Variants in COG5 observed in about 807,000 individuals in gnomAD.
COG5 encodes component of oligomeric golgi complex 5.
A neutral mutation model predicts 110.4 loss-of-function variants in COG5; 86 were observed. That is an observed-to-expected ratio of 0.78 (90% CI 0.65 to 0.93). The LOEUF (loss-of-function observed/expected upper bound fraction) is 0.93, where lower values mean the gene tolerates loss of function less well. Ranked by LOEUF, COG5 falls within the 40% of genes least tolerant of loss-of-function variation. The pLI, the probability that COG5 is intolerant of heterozygous loss-of-function variation, is 0.00. For missense variants in COG5, 1,077 were observed against 987.0 expected, an observed-to-expected ratio of 1.09 and a Z score of -1.22; for synonymous variants, 360 against 334.6, an observed-to-expected ratio of 1.08 and a Z score of -0.83.
chr7:107,390,050 A>G (rs748466104), intron 7 of COG5, among the ~76,000 whole-genome samples: 2 of 152,180 alleles, frequency 1.3e-5, no homozygotes, highest in Non-Finnish European at 2.9e-5. Flanking sequence ...ACTAATTACA[A>G]TATATTACAA....
In COG5 at chr7:107,211,163, G is replaced by A. The variant is rs1135401817; in HGVS notation, c.2231C>T (p.Pro744Leu). Reference sequence around the variant, plus strand: ...CAAAAACTGAATAATGATGCTGAACGGAATCACATCCCCCAATGCAGGACT... The same window carrying A: ...CAAAAACTGAATAATGATGCTGAACAGAATCACATCCCCCAATGCAGGACT... ...ASSPALGDVI[P>L]FSIIIQFLFT... Residue 744 changes from proline (P) to leucine (L), a missense_variant, in exon 20 of 22, where the codon CCG becomes CTG. Pro to Leu is a moderately conservative substitution (Grantham distance 98). Coordinates refer to ENST00000297135, the MANE Select transcript of COG5 (RefSeq NM_006348.5). 5.6e-6 allele frequency: 9 copies of A among 1,613,758 alleles called. No individual in the cohort carries two copies. The highest frequency in any genetic ancestry group is 7.6e-6 in the Non-Finnish European group (9 of 1,179,784).
chr7:107,395,543 T>C (rs1790928519), intron 7 of COG5, among the ~76,000 whole-genome samples: 1 of 46,498 alleles, frequency 2.2e-5, no homozygotes, highest in Admixed American at 2.1e-4. Context: ...AAGCAGATCT[T>C]TTTTTTTTTT....
At chr7:107,383,170 T>C (rs1400827465) in intron 7 of COG5, among the ~76,000 whole-genome samples, 1 of 152,104 alleles carries the variant, frequency 6.6e-6, no homozygotes, top group African/African-American at 2.4e-5. Context: ...TCACAAGACA[T>C]CATTTTCTCT....
At chr7:107,222,362 T>C (rs878969879) in intron 19 of COG5, among the ~76,000 whole-genome samples, 2 of 152,198 alleles carry the variant, frequency 1.3e-5, no homozygotes, top group Admixed American at 6.5e-5. Context: ...CATGGCACTA[T>C]GCCCAGCTAA....
At chr7:107,401,325 C>T (rs1399732341) in intron 7 of COG5, among the ~76,000 whole-genome samples, 2 of 151,988 alleles carry the variant, frequency 1.3e-5, no homozygotes, top group African/African-American at 2.4e-5. Context: ...ATTATAAAAG[C>T]TATGACGGTA....
intron 19 of COG5, among the ~76,000 whole-genome samples, chr7:107,224,780 C>T (rs1800198942): frequency 6.6e-6 from 1 of 152,234 alleles, no homozygotes; most frequent in East Asian, 1.9e-4. Flanking sequence ...ATAGCTCTGA[C>T]ACGTGGGTCT....
intron 6 of COG5, among the ~76,000 whole-genome samples, chr7:107,516,788 TAACA>T (rs1321251950): frequency 2.6e-5 from 4 of 151,946 alleles, no homozygotes; most frequent in Non-Finnish European, 4.4e-5. Flanking sequence ...GAAGAAAAAC[TAACA>T]AACAGAAAGC....
At position 107,460,230 on chromosome 7, in the gene COG5, C is replaced by G. The variant is rs1353239983; in HGVS notation, c.539-47598G>C. On this transcript the variant is annotated intron_variant, in intron 6 of 21. Coordinates refer to ENST00000297135, the MANE Select transcript of COG5 (RefSeq NM_006348.5). ...CCAGCCCAGGCAACACGGTGAGACC[C>G]TGTCTCTACAAAAAATACAAAAATT... Among the ~76,000 whole-genome samples, 3 of 152,192 alleles carry G rather than the reference C, an allele frequency of 2.0e-5. No individual in the cohort carries two copies. The East Asian group carries it at 5.8e-4, about 29-fold the overall frequency.
intron 10 of COG5, among the ~76,000 whole-genome samples, chr7:107,327,989 G>T (rs1177389466): frequency 6.6e-6 from 1 of 152,168 alleles, no homozygotes; most frequent in African/African-American, 2.4e-5. Flanking sequence ...GAATACTCAT[G>T]TTTACTGCAG....
intron 3 of COG5, among the ~76,000 whole-genome samples, chr7:107,549,796 A>G (rs1264014589): frequency 6.6e-6 from 1 of 152,056 alleles, no homozygotes; most frequent in East Asian, 1.9e-4. Context: ...CATGTGCTGG[A>G]GTACCCCAAG....
chr7:107,531,390 T>C (rs746774341), intron 5 of COG5, among the ~76,000 whole-genome samples: 21 of 152,180 alleles, frequency 1.4e-4, no homozygotes, highest in Non-Finnish European at 2.6e-4. Context: ...GCCACTGATA[T>C]TCAATGTCAA....
intron 6 of COG5, among the ~76,000 whole-genome samples, chr7:107,433,502 G>A (rs1367613491): frequency 2.0e-5 from 3 of 152,176 alleles, no homozygotes. Context: ...GTGGAATAGA[G>A]AGCCCAGATA....
chr7:107,389,888 C>T (rs1196108242), intron 7 of COG5, among the ~76,000 whole-genome samples: 2 of 152,092 alleles, frequency 1.3e-5, no homozygotes, highest in East Asian at 1.9e-4. Context: ...AATGACTATA[C>T]TATAACCTTT....
At chr7:107,221,438 T>C (rs1799919304) in intron 19 of COG5, among the ~76,000 whole-genome samples, 1 of 152,046 alleles carries the variant, frequency 6.6e-6, no homozygotes. Context: ...TAAAAGTCCT[T>C]ATAAGTACTT....
intron 14 of COG5, among the ~76,000 whole-genome samples, chr7:107,268,337 T>C (rs1357179550): frequency 6.6e-6 from 1 of 152,210 alleles, no homozygotes; most frequent in Non-Finnish European, 1.5e-5. Flanking sequence ...TAAAAAAGTG[T>C]ATTACTGAAC....
intron 19 of COG5, among the ~76,000 whole-genome samples, chr7:107,219,241 A>C (rs1799731884): frequency 6.6e-6 from 1 of 152,186 alleles, no homozygotes. Flanking sequence ...TGTTGGTGGG[A>C]ATGTAAATTA....
chr7:107,474,100 G>A lies in COG5; in HGVS notation c.538+53137C>T. 6.3e-7 allele frequency: 1 copy of A among 1,599,934 alleles called. No individual in the cohort carries two copies. The highest frequency in any genetic ancestry group is 1.1e-5 in the South Asian group (1 of 88,862). On this transcript the variant is annotated intron_variant, in intron 6 of 21. Transcript: ENST00000297135. This position sits in a 1 kb window ranked among gnomAD's most constrained non-coding sequence, Gnocchi z 5.7. Reference sequence around the variant, plus strand: ...CATTCTGGAAATCAACATGCAGTCTGAATCTAACATTACAGTGCGAGATGA... The same window carrying A: ...CATTCTGGAAATCAACATGCAGTCTAAATCTAACATTACAGTGCGAGATGA...
intron 12 of COG5, 26 bp downstream of exon 12, chr7:107,298,112 CAACT>C (rs1198254692): frequency 8.6e-7 from 1 of 1,163,436 alleles, no homozygotes; most frequent in Non-Finnish European, 1.2e-6. Context: ...ATTAAGATGC[CAACT>C]AACAGGTCAA....
At position 107,202,661 on chromosome 7, in the gene COG5, G is replaced by GAT. The variant is rs1798422851; in HGVS notation, c.*853_*854dup. 1.3e-5 allele frequency: 2 copies of GAT among 152,202 alleles called. No homozygotes were observed. Among genetic ancestry groups the GAT allele is most frequent in the South Asian group, 2.1e-4 (1 of 4,818 alleles). 9.4% of individuals were successfully genotyped at this position (152,202 alleles called of 1,614,324 possible). A position where few individuals can be genotyped will look rare whatever the true frequency, so the allele number is the denominator to read the frequency against. On this transcript the variant is annotated 3_prime_UTR_variant, in exon 22 of 22. Coordinates refer to ENST00000297135, the MANE Select transcript of COG5 (RefSeq NM_006348.5). ...TAACACTGCTAATTAGGAGGCTGCT[G>GAT]ATAGGATTTTAAAAATTAAAAACAA...
Sources: allele counts gnomAD v4.1 joint callset (sites outside exome capture counted in the v4.1 genomes callset), GRCh38; gene constraint gnomAD v4.1.1; non-coding constraint Gnocchi (gnomAD v3.1); transcripts MANE v1.5; gene names NCBI Gene and HGNC (gene_info 2026-07-23, HGNC 2026-07-21).